The following IPPK variants were observed in gnomAD, a reference collection of about 807,000 sequenced individuals.
IPPK encodes the protein IPK1 homolog.
A neutral mutation model predicts 64.6 loss-of-function variants in IPPK; 22 were observed. The observed-to-expected ratio is 0.34, with a 90% CI of 0.24 to 0.49. IPPK has a LOEUF of 0.49. IPPK is among the 20% of genes least tolerant of loss of function. IPPK has a pLI of 0.99. For synonymous variants in IPPK, 262 were observed against 247.2 expected, an observed-to-expected ratio of 1.06 and a Z score of -0.56; for missense variants, 532 against 630.7, an observed-to-expected ratio of 0.84 and a Z score of 1.68.
At chr9:92,646,704 T>G (rs1011472971) in intron 6 of IPPK, among the ~76,000 whole-genome samples, 2 of 152,116 alleles carry the variant, frequency 1.3e-5, no homozygotes, top group African/African-American at 2.4e-5. Context: ...ACACCTGTAA[T>G]CCCAGCACTT....
At chr9:92,658,772 A>T in intron 1 of IPPK, 91 bp from the exon 2 acceptor site, 4 of 1,158,490 alleles carry the variant, frequency 3.5e-6, no homozygotes, top group Non-Finnish European at 3.9e-6. Context: ...CTCAGTGGAC[A>T]AAGTCCACAG....
At chr9:92,660,898 T>C (rs1478148985) in intron 1 of IPPK, among the ~76,000 whole-genome samples, 1 of 152,226 alleles carries the variant, frequency 6.6e-6, no homozygotes, top group Non-Finnish European at 1.5e-5. Flanking sequence ...AGAAAAAATT[T>C]TTAAAAATAA....
intron 11 of IPPK, among the ~76,000 whole-genome samples, chr9:92,621,412 C>G (rs1371857700): frequency 4.6e-5 from 7 of 151,280 alleles, no homozygotes; most frequent in Non-Finnish European, 1.5e-5. Context: ...ATACAACTTA[C>G]TAAAATTTGA....
intron 6 of IPPK, among the ~76,000 whole-genome samples, chr9:92,645,025 A>G (rs1564034954): frequency 6.6e-6 from 1 of 152,228 alleles, no homozygotes; most frequent in Non-Finnish European, 1.5e-5. Flanking sequence ...AAGAACTAAA[A>G]AGAACAAGGA....
At chr9:92,666,653 A>G (rs1238498103) in intron 1 of IPPK, among the ~76,000 whole-genome samples, 1 of 152,212 alleles carries the variant, frequency 6.6e-6, no homozygotes, top group Non-Finnish European at 1.5e-5. Flanking sequence ...TGTGCCTGGG[A>G]AAGTTCAGGT....
intron 12 of IPPK, chr9:92,617,538 C>A (rs1166953378): frequency 1.3e-5 from 2 of 152,574 alleles, no homozygotes; most frequent in Non-Finnish European, 2.9e-5. Context: ...GGCAAGAGGC[C>A]CCAGGGACAC....
intron 6 of IPPK, among the ~76,000 whole-genome samples, chr9:92,646,370 A>G (rs2131446553): frequency 6.6e-6 from 1 of 152,378 alleles, no homozygotes; most frequent in South Asian, 2.1e-4. Context: ...CTTATGTTAA[A>G]CCACAAAACA....
At chr9:92,634,600 T>A in intron 10 of IPPK, 112 bp from the exon 11 acceptor site, 1 of 739,584 alleles carries the variant, frequency 1.4e-6, no homozygotes, top group Middle Eastern at 2.6e-4. Context: ...CATTTTGTTT[T>A]GAAAAACACA....
Position 92,616,022 on chromosome 9 carries a change from G to A in IPPK, c.1286C>T (p.Ser429Phe). 2.5e-6 allele frequency: 4 copies of A among 1,614,124 alleles called. No homozygotes were observed. Among genetic ancestry groups the A allele is most frequent in the Non-Finnish European group, 3.4e-6 (4 of 1,180,032 alleles). ...DQRPVVPSSR[S>F]RFAFSVSVLD... The stretch of plus-strand genomic sequence containing the variant: ...CACAGACACGGAAAAGGCAAACCTG[G>A]ACCTCGATGAAGGGACGACAGGCCT... Residue 429 changes from serine (S) to phenylalanine (F), a missense_variant, in exon 13 of 13, where the codon TCC (serine) becomes TTC (phenylalanine). Coordinates refer to ENST00000287996, the MANE Select transcript of IPPK (RefSeq NM_022755.6).
chr9:92,618,515 C>G, intron 12 of IPPK: 1 of 456,754 alleles, frequency 2.2e-6, no homozygotes, highest in Non-Finnish European at 4.4e-6. Flanking sequence ...CATTGCCCAG[C>G]TGCATCCTTG....
In IPPK at chr9:92,635,408, G is replaced by T; in HGVS notation, c.917-100C>A. The T allele has an allele frequency of 2.3e-6, 3 of 1,277,628 alleles. No homozygotes were observed. The highest frequency in any genetic ancestry group is 3.2e-6 in the Non-Finnish European group (3 of 925,376). 79.1% of individuals were successfully genotyped at this position (1,277,628 alleles called of 1,614,324 possible). ...GACCGCAGGGCTCATCCTGGGCTCC[G>T]CCATACGGGCATCACCACAGGCAAG... is the stretch of plus-strand genomic sequence containing the variant. On this transcript the variant is annotated intron_variant, in intron 9 of 12. Coordinates refer to ENST00000287996, the MANE Select transcript of IPPK (RefSeq NM_022755.6). The surrounding 1 kb of genome is among the most constrained non-coding windows in gnomAD (Gnocchi z 4.4).
chr9:92,645,869 C>T (rs572470444), intron 6 of IPPK, among the ~76,000 whole-genome samples: 26 of 151,872 alleles, frequency 1.7e-4, no homozygotes, highest in Admixed American at 9.2e-4. Context: ...TAAAGGGAGT[C>T]CTTTTGGCTG....
At chr9:92,618,352 G>A (rs922850146) in intron 12 of IPPK, 2 of 456,674 alleles carry the variant, frequency 4.4e-6, no homozygotes, top group Non-Finnish European at 8.8e-6. Context: ...AAGGACCCGG[G>A]CCTTCAGCTT....
chr9:92,628,233 A>T (rs796541227), intron 11 of IPPK, among the ~76,000 whole-genome samples: 35 of 152,388 alleles, frequency 2.3e-4, no homozygotes, highest in African/African-American at 8.4e-4. Context: ...TCATGTTCAT[A>T]GATCAAAAGA....
chr9:92,658,076 G>A (rs557890766), intron 2 of IPPK, among the ~76,000 whole-genome samples: 3 of 152,276 alleles, frequency 2.0e-5, no homozygotes, highest in East Asian at 1.9e-4. Context: ...AAGCCTCCGC[G>A]ACTCGGTATG....
chr9:92,649,651 G>T, intron 4 of IPPK, 77 bp from the exon 5 acceptor site: 5 of 1,553,786 alleles, frequency 3.2e-6, no homozygotes, highest in Admixed American at 1.8e-5. Flanking sequence ...AACAGGCCCC[G>T]CCTTGTCCCT....
intron 7 of IPPK, 118 bp from the exon 8 acceptor site, chr9:92,640,900 C>T (rs1377139617): frequency 4.0e-6 from 3 of 750,350 alleles, no homozygotes; most frequent in East Asian, 2.5e-5. Flanking sequence ...GCTGGGAAAC[C>T]CAGAGTCCAA....
At chr9:92,665,453 G>A (rs913009896) in intron 1 of IPPK, among the ~76,000 whole-genome samples, 2 of 152,124 alleles carry the variant, frequency 1.3e-5, no homozygotes, top group Non-Finnish European at 2.9e-5. Context: ...CTTTATTTAC[G>A]TTTCTAATTA....
intron 3 of IPPK, among the ~76,000 whole-genome samples, chr9:92,655,744 A>G (rs1343050735): frequency 6.6e-6 from 1 of 152,182 alleles, no homozygotes; most frequent in Non-Finnish European, 1.5e-5. Context: ...TGCCCTAGGG[A>G]AAAAACTGCA....
Sources: gnomAD v4.1 joint callset for allele counts (sites outside exome capture counted in the v4.1 genomes callset) on GRCh38, gnomAD v4.1.1 for gene constraint, Gnocchi (gnomAD v3.1) non-coding constraint, MANE v1.5 for transcripts, NCBI Gene and HGNC (gene_info 2026-07-23, HGNC 2026-07-21) for gene names.